The following PHC1 variants were observed in gnomAD, a reference collection of about 807,000 sequenced individuals.
PHC1 encodes the protein polyhomeotic homolog 1, also known as polyhomeotic-like protein 1.
In PHC1, 12 loss-of-function variants were observed where a neutral mutation model predicts 104.3. The observed-to-expected ratio is 0.12, with a 90% CI of 0.07 to 0.19. The LOEUF is 0.19. Among genes scored for constraint, PHC1 ranks in the 10% least tolerant of loss-of-function variants. The pLI is 1.00. For synonymous variants in PHC1, 302 were observed against 455.8 expected, an observed-to-expected ratio of 0.66 and a Z score of 4.30; for missense variants, 671 against 1,200.0, an observed-to-expected ratio of 0.56 and a Z score of 6.51.
intron 3 of PHC1, among the ~76,000 whole-genome samples, chr12:8,920,333 T>C (rs1038066370): frequency 6.6e-6 from 1 of 152,216 alleles, no homozygotes; most frequent in African/African-American, 2.4e-5. Context: ...TAGTAGAAAA[T>C]TATAAATGTG....
chr12:8,926,993 C>T (rs2137089851), intron 6 of PHC1, among the ~76,000 whole-genome samples: 1 of 152,204 alleles, frequency 6.6e-6, no homozygotes, highest in African/African-American at 2.4e-5. Context: ...TAGGATGAAC[C>T]CCCACTTTGG....
intron 14 of PHC1, 136 bp downstream of exon 14, chr12:8,938,196 T>C (rs1945897110): frequency 1.6e-6 from 1 of 621,222 alleles, no homozygotes. Flanking sequence ...ACTCCTAATA[T>C]TCAAGTTGAC....
intron 7 of PHC1, among the ~76,000 whole-genome samples, chr12:8,931,428 C>T (rs773910788): frequency 1.3e-5 from 2 of 152,132 alleles, no homozygotes; most frequent in African/African-American, 2.4e-5. Context: ...AGGCGGGGTG[C>T]GGTGGCTCAG....
chr12:8,930,299 G>A lies in PHC1; in HGVS notation c.613-136G>A. ...CCTTAGGAGGTAGGAAGGCCTTAAA[G>A]TATATGGTAAAGGCAGAGATACGAG... On this transcript the variant is annotated intron_variant, in intron 6 of 14. Coordinates refer to ENST00000544916, the MANE Select transcript of PHC1 (RefSeq NM_004426.3). 6 of 1,332,252 alleles carry A rather than the reference G, an allele frequency of 4.5e-6. No homozygotes were observed. The South Asian group carries it at 7.5e-5, about 17-fold the overall frequency. The allele number at this position is 1,332,252 out of a possible 1,614,324, so 82.5% of individuals were successfully genotyped here.
chr12:8,934,974 A>G, intron 10 of PHC1, 150 bp from the exon 11 acceptor site: 1 of 552,296 alleles, frequency 1.8e-6, no homozygotes, highest in Non-Finnish European at 3.3e-6. Context: ...ACTCTTGATT[A>G]CCGTATTGAA....
rs145443946 is a variant in PHC1, at chr12:8,920,951, T to C, written c.226-34T>C. 1.9e-4 allele frequency: 286 copies of C among 1,488,038 alleles called. 1 individual carries two copies. The African/African-American group carries it at 2.3e-3, about 12-fold the overall frequency. The allele number at this position is 1,488,038 out of a possible 1,614,324, so 92.2% of individuals were successfully genotyped here. A position where few individuals can be genotyped will look rare whatever the true frequency, so the allele number is the denominator to read the frequency against. ...ACTGAGAGCTTTTTCCTTCACTGTC[T>C]TTGCTATTTCTTGTTTCCCTTCCCC... is the stretch of plus-strand genomic sequence containing the variant. On this transcript the variant is annotated intron_variant, in intron 3 of 14. Coordinates refer to ENST00000544916, the MANE Select transcript of PHC1 (RefSeq NM_004426.3).
intron 6 of PHC1, among the ~76,000 whole-genome samples, chr12:8,923,556 C>T (rs773127370): frequency 1.3e-5 from 2 of 152,178 alleles, no homozygotes; most frequent in Admixed American, 6.5e-5. Context: ...AGGCCGGGCG[C>T]GGTGGCTCAC....
chr12:8,934,796 C>G (rs1945787977), intron 10 of PHC1, among the ~76,000 whole-genome samples: 1 of 152,164 alleles, frequency 6.6e-6, no homozygotes, highest in African/African-American at 2.4e-5. Context: ...AGAACCAGGA[C>G]TAGAACTGAG....
rs1945955356 is a variant in PHC1, at chr12:8,939,794, A to G, written c.*335A>G. The G allele has an allele frequency of 1.3e-5, 6 of 477,882 alleles. No homozygotes were observed. The Admixed American group carries it at 1.4e-4, about 11-fold the overall frequency. The allele number at this position is 477,882 out of a possible 1,614,324, so 29.6% of individuals were successfully genotyped here. On this transcript the variant is annotated 3_prime_UTR_variant, in exon 15 of 15. Coordinates refer to ENST00000544916, the MANE Select transcript of PHC1 (RefSeq NM_004426.3). ...AGTGGAGCATTTAGCCCAGGTCTTA[A>G]TTCTCCAAGAGGAGGAATACATAGT... is the stretch of plus-strand genomic sequence containing the variant.
At chr12:8,920,579 G>C (rs746626508) in intron 3 of PHC1, among the ~76,000 whole-genome samples, 1 of 152,284 alleles carries the variant, frequency 6.6e-6, no homozygotes, top group African/African-American at 2.4e-5. Flanking sequence ...GTGGTGGTGT[G>C]CACCTGTGAT....
At chr12:8,916,454 G>A (rs917368789) in intron 1 of PHC1, among the ~76,000 whole-genome samples, 2 of 151,964 alleles carry the variant, frequency 1.3e-5, no homozygotes, top group South Asian at 2.1e-4. Flanking sequence ...TATTTCTAGT[G>A]GCCCAGTGCC....
In PHC1 at chr12:8,936,829, A is replaced by G. The variant is rs1294409674; in HGVS notation, c.2369-27A>G. On this transcript the variant is annotated intron_variant, in intron 11 of 14. Coordinates refer to ENST00000544916, the MANE Select transcript of PHC1 (RefSeq NM_004426.3). The stretch of plus-strand genomic sequence containing the variant: ...TGAGGGGCAGCAGAAACCCATGGTG[A>G]CTGTCCAGCAATACCTTGTTTTTTA... 2.2e-6 allele frequency: 3 copies of G among 1,388,188 alleles called. No individual in the cohort carries two copies. The African/African-American group carries it at 4.2e-5, about 20-fold the overall frequency. The allele number at this position is 1,388,188 out of a possible 1,614,324, so 86.0% of individuals were successfully genotyped here.
chr12:8,927,555 G>A (rs1169311019), intron 6 of PHC1, among the ~76,000 whole-genome samples: 2 of 152,040 alleles, frequency 1.3e-5, no homozygotes, highest in Non-Finnish European at 2.9e-5. Flanking sequence ...GTATAGATTC[G>A]GTGGTGGAAC....
At chr12:8,934,709 T>C (rs980446153) in intron 10 of PHC1, among the ~76,000 whole-genome samples, 1 of 152,180 alleles carries the variant, frequency 6.6e-6, no homozygotes, top group South Asian at 2.1e-4. Context: ...AACTGTAATG[T>C]TTAGTTAGAT....
chr12:8,939,456 C>G lies in PHC1; in HGVS notation c.3012C>G (p.Thr1004=). Residue 1004 remains threonine (T), a synonymous_variant, in exon 15 of 15, where the codon ACC becomes ACG. Coordinates refer to ENST00000544916, the MANE Select transcript of PHC1 (RefSeq NM_004426.3). ...CCAAGATAAATGTCCTCAAGGAGAC[C>G]TAAGGTGGCCCTCTTGCACAAACCA... is the stretch of plus-strand genomic sequence containing the variant. ...ICAKINVLKE[T] 1 of 1,550,402 alleles carries G rather than the reference C, an allele frequency of 6.4e-7. No homozygotes were observed. Among genetic ancestry groups the G allele is most frequent in the Non-Finnish European group, 8.8e-7 (1 of 1,139,558 alleles).
chr12:8,938,104 C>A, intron 14 of PHC1, 44 bp downstream of exon 14: 1 of 1,336,370 alleles, frequency 7.5e-7, no homozygotes, highest in Non-Finnish European at 1.1e-6. Flanking sequence ...TTTTCCTTAA[C>A]ATCATCCCAC....
chr12:8,923,048 T>C (rs895549889), intron 6 of PHC1, among the ~76,000 whole-genome samples: 2 of 152,248 alleles, frequency 1.3e-5, no homozygotes, highest in Admixed American at 1.3e-4. Context: ...GTAAATTTCC[T>C]CACCATCCTT....
chr12:8,941,343 G>C lies in PHC1; in HGVS notation c.*1884G>C, dbSNP rs1275147852. On this transcript the variant is annotated 3_prime_UTR_variant, in exon 15 of 15. Coordinates refer to ENST00000544916, the MANE Select transcript of PHC1 (RefSeq NM_004426.3). Reference sequence around the variant, plus strand: ...ACTGCAAAGTAGTTCCAAGCAGCAAGAAATACCAGATTCTCATGGAGGCTA... The same window carrying C: ...ACTGCAAAGTAGTTCCAAGCAGCAACAAATACCAGATTCTCATGGAGGCTA... 2 of 198,082 alleles carry C rather than the reference G, an allele frequency of 1.0e-5. No individual in the cohort carries two copies. The highest frequency in any genetic ancestry group is 2.4e-5 in the African/African-American group (1 of 41,996). The allele number at this position is 198,082 out of a possible 1,614,324, so 12.3% of individuals were successfully genotyped here.
intron 10 of PHC1, 37 bp from the exon 11 acceptor site, chr12:8,935,085 GGA>G: frequency 9.8e-7 from 1 of 1,021,990 alleles, no homozygotes; most frequent in South Asian, 1.4e-5. Context: ...AAGCAGAAGG[GGA>G]TCAGGCTAAC....
Sources: allele counts gnomAD v4.1 joint callset (sites outside exome capture counted in the v4.1 genomes callset), GRCh38; gene constraint gnomAD v4.1.1; transcripts MANE v1.5; gene names NCBI Gene and HGNC (gene_info 2026-07-23, HGNC 2026-07-21).